Variants in ZHX2 observed in about 807,000 individuals in gnomAD.
The protein encoded by ZHX2 is zinc fingers and homeoboxes 2, also known as zinc fingers and homeoboxes protein 2.
A neutral mutation model predicts 21.9 loss-of-function variants in ZHX2; 6 were observed. The observed-to-expected ratio is 0.27, with a 90% CI of 0.15 to 0.54. The LOEUF (loss-of-function observed/expected upper bound fraction) is 0.54, where lower values mean the gene tolerates loss of function less well. ZHX2 is among the 20% of genes least tolerant of loss of function. The pLI is 0.95. For synonymous variants in ZHX2, 434 were observed against 437.1 expected, an observed-to-expected ratio of 0.99 and a Z score of 0.09; for missense variants, 908 against 1,090.7, an observed-to-expected ratio of 0.83 and a Z score of 2.36.
chr8:122,804,402 C>T (rs887405663), intron 1 of ZHX2, among the ~76,000 whole-genome samples: 4 of 152,212 alleles, frequency 2.6e-5, no homozygotes, highest in Admixed American at 2.0e-4. Flanking sequence ...AGCCACCACG[C>T]CCGGCCCCAT....
intron 1 of ZHX2, among the ~76,000 whole-genome samples, chr8:122,851,933 A>G (rs956793206): frequency 2.0e-5 from 3 of 152,222 alleles, no homozygotes; most frequent in Non-Finnish European, 2.9e-5. Flanking sequence ...CATTGCGTGA[A>G]AGTACCAGAA....
chr8:122,937,281 G>A (rs753619014), intron 2 of ZHX2, among the ~76,000 whole-genome samples: 56 of 152,232 alleles, frequency 3.7e-4, no homozygotes, highest in Non-Finnish European at 6.6e-4. Context: ...GGGAAGAAGT[G>A]GAAGAACCAG....
chr8:122,869,707 T>C (rs1370795311), intron 2 of ZHX2, among the ~76,000 whole-genome samples: 3 of 152,242 alleles, frequency 2.0e-5, no homozygotes, highest in Non-Finnish European at 4.4e-5. Flanking sequence ...TGTGAGGCAA[T>C]ATTGCAGAGC....
intron 2 of ZHX2, among the ~76,000 whole-genome samples, chr8:122,881,793 A>C (rs746246599): frequency 1.3e-5 from 2 of 152,080 alleles, no homozygotes; most frequent in African/African-American, 4.8e-5. Flanking sequence ...TTTCCAAGCT[A>C]CTTGACTTTC....
chr8:122,918,581 G>A (rs1008898752), intron 2 of ZHX2, among the ~76,000 whole-genome samples: 1 of 152,148 alleles, frequency 6.6e-6, no homozygotes, highest in African/African-American at 2.4e-5. Flanking sequence ...TGCAGGCCAG[G>A]TCTTTGTGGC....
chr8:122,959,787 A>G (rs748987785), intron 3 of ZHX2, among the ~76,000 whole-genome samples: 1 of 152,182 alleles, frequency 6.6e-6, no homozygotes, highest in African/African-American at 2.4e-5. Flanking sequence ...ACTGCCCGTT[A>G]GTCTGACTTC....
chr8:122,824,022 C>T (rs186314520), intron 1 of ZHX2, among the ~76,000 whole-genome samples: 1 of 152,302 alleles, frequency 6.6e-6, no homozygotes, highest in Non-Finnish European at 1.5e-5. Context: ...CATTCAAACC[C>T]TCAGAACTCC....
intron 2 of ZHX2, among the ~76,000 whole-genome samples, chr8:122,888,486 T>G (rs1397441419): frequency 3.3e-5 from 5 of 152,180 alleles, no homozygotes; most frequent in Admixed American, 1.3e-4. Flanking sequence ...TTTTTTGTTT[T>G]TTTGTTTTTT....
At position 122,930,213 on chromosome 8, in the gene ZHX2, A is replaced by C. The variant is rs572034362; in HGVS notation, c.-219-21079A>C. Among the ~76,000 whole-genome samples, 8 of 152,242 alleles carry C rather than the reference A, an allele frequency of 5.3e-5. No homozygotes were observed. In the East Asian group the frequency reaches 1.5e-3, roughly 29 times the overall value. On this transcript the variant is annotated intron_variant, in intron 2 of 3. Transcript: ENST00000314393. ...AAATGTTTTGTGGGCTGCAATGCAC[A>C]CTCAAGACCCAAGGGATACTTATTA...
intron 2 of ZHX2, among the ~76,000 whole-genome samples, chr8:122,927,649 C>T (rs1820891588): frequency 6.6e-6 from 1 of 152,188 alleles, no homozygotes; most frequent in African/African-American, 2.4e-5. Flanking sequence ...GGGAACTCCC[C>T]TTTATAAAAC....
intron 2 of ZHX2, among the ~76,000 whole-genome samples, chr8:122,880,710 G>A (rs977538562): frequency 8.3e-5 from 12 of 144,244 alleles, no homozygotes; most frequent in Admixed American, 7.2e-5. Flanking sequence ...AGGAGGCTGA[G>A]GTTGCAGTGA....
At chr8:122,904,007 G>A (rs555283055) in intron 2 of ZHX2, among the ~76,000 whole-genome samples, 22 of 152,300 alleles carry the variant, frequency 1.4e-4, no homozygotes, top group African/African-American at 5.3e-4. Context: ...GAAGAAGGCA[G>A]ACTAACTAGG....
intron 1 of ZHX2, among the ~76,000 whole-genome samples, chr8:122,817,279 C>T (rs1246368682): frequency 6.6e-6 from 1 of 152,222 alleles, no homozygotes; most frequent in East Asian, 1.9e-4. Context: ...CGATTCTTAT[C>T]ACTCTTAGCT....
chr8:122,887,687 C>T (rs187253768), intron 2 of ZHX2, among the ~76,000 whole-genome samples: 2 of 152,196 alleles, frequency 1.3e-5, no homozygotes, highest in East Asian at 1.9e-4. Flanking sequence ...AAATGGAAAA[C>T]CGGAGGTAGT....
intron 1 of ZHX2, among the ~76,000 whole-genome samples, chr8:122,808,470 T>G (rs972698051): frequency 5.9e-5 from 9 of 152,124 alleles, no homozygotes; most frequent in Non-Finnish European, 1.2e-4. Flanking sequence ...CCATCAGATC[T>G]CATGAGAATT....
intron 2 of ZHX2, among the ~76,000 whole-genome samples, chr8:122,939,922 C>CA (rs1398439300): frequency 1.3e-5 from 2 of 152,118 alleles, no homozygotes; most frequent in Non-Finnish European, 2.9e-5. Context: ...ATCCCCTCAC[C>CA]ACTCACGCTA....
chr8:122,938,385 G>A (rs769026706), intron 2 of ZHX2, among the ~76,000 whole-genome samples: 2 of 152,186 alleles, frequency 1.3e-5, no homozygotes, highest in Non-Finnish European at 2.9e-5. Context: ...GGGCTCTGGA[G>A]TGGAAGGGCC....
chr8:122,848,020 TA>T (rs1434015954), intron 1 of ZHX2, among the ~76,000 whole-genome samples: 7 of 152,130 alleles, frequency 4.6e-5, no homozygotes, highest in Admixed American at 1.3e-4. Flanking sequence ...CTGAGGTAAA[TA>T]AAGGTAGAAA....
At chr8:122,796,668 A>G (rs1817618775) in intron 1 of ZHX2, among the ~76,000 whole-genome samples, 1 of 152,222 alleles carries the variant, frequency 6.6e-6, no homozygotes, top group Non-Finnish European at 1.5e-5. Context: ...ACAAACAACC[A>G]AACGTTTATT....
Sources: gnomAD v4.1 joint callset for allele counts (sites outside exome capture counted in the v4.1 genomes callset) on GRCh38, gnomAD v4.1.1 for gene constraint, MANE v1.5 for transcripts, NCBI Gene and HGNC (gene_info 2026-07-23, HGNC 2026-07-21) for gene names.